Variants in MACROD2 observed in about 807,000 individuals in gnomAD.
MACROD2 encodes the protein mono-ADP ribosylhydrolase 2, also known as ADP-ribose glycohydrolase MACROD2.
MACROD2 carries 36 observed loss-of-function variants against 70.4 expected under a neutral mutation model. That is an observed-to-expected ratio of 0.51 (90% CI 0.39 to 0.68). The LOEUF is 0.68. Ranked by LOEUF, MACROD2 falls within the 30% of genes least tolerant of loss-of-function variation. The pLI, the probability that MACROD2 is intolerant of heterozygous loss-of-function variation, is 0.00. For missense variants in MACROD2, 496 were observed against 538.4 expected (o/e 0.92, Z 0.78); for synonymous variants, 172 against 178.8 (o/e 0.96, Z 0.30).
At chr20:15,950,705 A>G (rs1245216640) in intron 12 of MACROD2, among the ~76,000 whole-genome samples, 1 of 152,134 alleles carries the variant, frequency 6.6e-6, no homozygotes, top group Non-Finnish European at 1.5e-5. Context: ...CCATGTTTAA[A>G]ATTTTATAGC....
chr20:14,485,152 A>C (rs1389148145), intron 3 of MACROD2, among the ~76,000 whole-genome samples: 1 of 152,082 alleles, frequency 6.6e-6, no homozygotes, highest in Admixed American at 6.6e-5. Flanking sequence ...ATGTGGATAC[A>C]CACACACATA....
At chr20:15,364,782 G>T (rs191742259) in intron 6 of MACROD2, among the ~76,000 whole-genome samples, 2 of 152,240 alleles carry the variant, frequency 1.3e-5, no homozygotes, top group Admixed American at 6.5e-5. Context: ...ACCAATGAAG[G>T]GAGCCCCTAC....
At chr20:15,789,245 T>C (rs182798099) in intron 8 of MACROD2, among the ~76,000 whole-genome samples, 182 of 152,308 alleles carry the variant, frequency 1.2e-3, no homozygotes, top group African/African-American at 4.3e-3. Flanking sequence ...AGTTTTAGCT[T>C]CTAAAGAATA....
At chr20:15,323,334 A>G (rs1459168363) in intron 6 of MACROD2, among the ~76,000 whole-genome samples, 1 of 152,184 alleles carries the variant, frequency 6.6e-6, no homozygotes, top group Non-Finnish European at 1.5e-5. Context: ...ATAAAAACAT[A>G]TGATATTCAA....
intron 4 of MACROD2, among the ~76,000 whole-genome samples, chr20:14,669,816 C>T (rs921613580): frequency 1.4e-4 from 21 of 151,982 alleles, no homozygotes; most frequent in African/African-American, 4.8e-4. Context: ...GAGACTTCCA[C>T]AGAAACAAGG....
intron 6 of MACROD2, among the ~76,000 whole-genome samples, chr20:15,273,851 A>G (rs2077367590): frequency 6.6e-6 from 1 of 152,128 alleles, no homozygotes; most frequent in African/African-American, 2.4e-5. Flanking sequence ...AATGTATTTC[A>G]TTACCCTGAG....
intron 5 of MACROD2, among the ~76,000 whole-genome samples, chr20:14,845,457 A>T (rs1332333272): frequency 6.6e-6 from 1 of 152,048 alleles, no homozygotes; most frequent in Non-Finnish European, 1.5e-5. Flanking sequence ...GCACATGTTT[A>T]TTCAATGTCC....
At chr20:15,056,635 A>T (rs957555996) in intron 5 of MACROD2, among the ~76,000 whole-genome samples, 25 of 151,416 alleles carry the variant, frequency 1.7e-4, no homozygotes, top group Middle Eastern at 3.4e-3. Flanking sequence ...TAGCTGTTTA[A>T]AAAAAAAAAG....
chr20:14,631,860 G>A (rs1984534055), intron 4 of MACROD2: 1 of 152,186 alleles, frequency 6.6e-6, no homozygotes, highest in South Asian at 2.1e-4. Context: ...GAAGTTACAT[G>A]CCATTGACAA....
At chr20:15,223,486 G>T (rs2076879351) in intron 5 of MACROD2, among the ~76,000 whole-genome samples, 2 of 152,190 alleles carry the variant, frequency 1.3e-5, no homozygotes, top group Non-Finnish European at 2.9e-5. Context: ...CACTGTGCCA[G>T]TCATTTCTAT....
At chr20:15,185,848 TATC>T (rs1255291577) in intron 5 of MACROD2, among the ~76,000 whole-genome samples, 2 of 152,196 alleles carry the variant, frequency 1.3e-5, no homozygotes, top group East Asian at 3.8e-4. Flanking sequence ...TTCCACCATT[TATC>T]ATCAAGTTTC....
chr20:14,393,099 T>C lies in MACROD2; in HGVS notation c.272-100380T>C, dbSNP rs151159672. Among the ~76,000 whole-genome samples, 88 of 152,290 alleles carry C rather than the reference T, an allele frequency of 5.8e-4. No homozygotes were observed. In the East Asian group the frequency reaches 0.013, roughly 22 times the overall value. On this transcript the variant is annotated intron_variant, in intron 3 of 17. Coordinates refer to ENST00000684519, the MANE Select transcript of MACROD2 (RefSeq NM_001351661.2). ...TTTTAGACCCGAGAAAGTGGAGAGA[T>C]ATAAGAGAGAGATTATCATTACAGT...
chr20:14,051,094 G>A (rs2053560963), intron 2 of MACROD2, among the ~76,000 whole-genome samples: 2 of 152,212 alleles, frequency 1.3e-5, no homozygotes, highest in Non-Finnish European at 2.9e-5. Context: ...AGTATGCATA[G>A]TATGGTATTT....
chr20:16,015,749 A>G lies in MACROD2; in HGVS notation c.1154-25452A>G, dbSNP rs6110872. Reference sequence around the variant, plus strand: ...ACTAAACTTTTTTGTTATTTTTCCTATTGTATAGTTAGCTTTTGGTAATTT... The same window carrying G: ...ACTAAACTTTTTTGTTATTTTTCCTGTTGTATAGTTAGCTTTTGGTAATTT... On this transcript the variant is annotated intron_variant, in intron 15 of 17. Transcript: ENST00000684519. Among the ~76,000 whole-genome samples the G allele has an allele frequency of 6.3e-3, 955 of 151,800 alleles. 11 individuals carry two copies. Among genetic ancestry groups the G allele is most frequent in the African/African-American group, 0.021 (883 of 41,414 alleles).
At chr20:14,131,921 G>C (rs1438739925) in intron 3 of MACROD2, among the ~76,000 whole-genome samples, 2 of 151,992 alleles carry the variant, frequency 1.3e-5, no homozygotes, top group African/African-American at 4.8e-5. Flanking sequence ...CATGAGGTCA[G>C]GAGATCGAGA....
chr20:15,157,359 A>ACCCCCACCCCCCCCCCCCCCCCC (rs1568606906), intron 5 of MACROD2, among the ~76,000 whole-genome samples: 1 of 115,306 alleles, frequency 8.7e-6, no homozygotes, highest in African/African-American at 3.3e-5. Context: ...ACCCCCCCCC[A>ACCCCCACCCCCCCCCCCCCCCCC]CCTCCCCCCC....
chr20:15,045,719 G>GTTTTTTTTTTTTTT (rs71335981), intron 5 of MACROD2, among the ~76,000 whole-genome samples: 7 of 73,380 alleles, frequency 9.5e-5, no homozygotes, highest in South Asian at 7.6e-4. Context: ...CCAGACCAGG[G>GTTTTTTTTTTTTTT]TTTTTTTTTT....
intron 3 of MACROD2, among the ~76,000 whole-genome samples, chr20:14,132,129 CAA>C (rs34790385): frequency 2.9e-4 from 28 of 96,594 alleles, no homozygotes; most frequent in East Asian, 9.3e-4. Context: ...AGACTCTATC[CAA>C]AAAAAAAAAA....
intron 8 of MACROD2, among the ~76,000 whole-genome samples, chr20:15,558,225 C>T (rs2048194650): frequency 6.6e-6 from 1 of 152,200 alleles, no homozygotes; most frequent in African/African-American, 2.4e-5. Context: ...TTCACCACCA[C>T]TAAAGACCTC....
Sources: gnomAD v4.1 joint callset for allele counts (sites outside exome capture counted in the v4.1 genomes callset) on GRCh38, gnomAD v4.1.1 for gene constraint, MANE v1.5 for transcripts, NCBI Gene and HGNC (gene_info 2026-07-23, HGNC 2026-07-21) for gene names.